The following PPP6R1 variants were observed in gnomAD, a reference collection of about 807,000 sequenced individuals.
PPP6R1 encodes protein phosphatase 6 regulatory subunit 1.
In PPP6R1, 39 loss-of-function variants were observed where a neutral mutation model predicts 104.6. The ratio of observed to expected loss-of-function variants is 0.37; its 90% CI spans 0.29 to 0.49. The LOEUF is 0.49. Among genes scored for constraint, PPP6R1 ranks in the 20% least tolerant of loss-of-function variants. The pLI is 0.98. For missense variants in PPP6R1, 1,181 were observed against 1,155.8 expected (o/e 1.02, Z -0.32); for synonymous variants, 549 against 479.0 (o/e 1.15, Z -1.91).
In PPP6R1 at chr19:55,239,576, A is replaced by G. The variant is rs746364426; in HGVS notation, c.1653+18T>C. 5.5e-5 allele frequency: 89 copies of G among 1,609,984 alleles called. No individual in the cohort carries two copies. The highest frequency in any genetic ancestry group is 7.3e-5 in the Non-Finnish European group (86 of 1,177,934). ...CTCCAGCATAGCCCAGCACAGCCCC[A>G]CATAGCCCCACGCCCACCTGCTGCA... On this transcript the variant is annotated intron_variant, in intron 14 of 23. Coordinates refer to ENST00000412770, the MANE Select transcript of PPP6R1 (RefSeq NM_014931.4).
intron 21 of PPP6R1, 79 bp from the exon 22 acceptor site, chr19:55,230,963 A>C (rs1424777479): frequency 2.4e-6 from 3 of 1,242,234 alleles, no homozygotes; most frequent in Non-Finnish European, 3.4e-6. Flanking sequence ...CACCCGACTG[A>C]AGTCGGCTCA....
chr19:55,231,342 A>G, intron 21 of PPP6R1, 68 bp downstream of exon 21: 2 of 1,488,592 alleles, frequency 1.3e-6, no homozygotes, highest in South Asian at 2.4e-5. Context: ...AGATGAACCC[A>G]GAGCCCACCT....
At chr19:55,256,202 C>T (rs1408304039) in intron 1 of PPP6R1, among the ~76,000 whole-genome samples, 1 of 152,228 alleles carries the variant, frequency 6.6e-6, no homozygotes, top group Non-Finnish European at 1.5e-5. Flanking sequence ...ACACAACTCA[C>T]CAACTCACAG....
intron 1 of PPP6R1, among the ~76,000 whole-genome samples, chr19:55,256,799 C>A (rs144907551): frequency 0.013 from 1,974 of 152,286 alleles, 16 homozygotes; most frequent in Non-Finnish European, 0.019. Flanking sequence ...GCTGGGCAAA[C>A]GAGCAAAACC....
At chr19:55,235,137 T>G (rs1461217094) in intron 17 of PPP6R1, among the ~76,000 whole-genome samples, 1 of 152,148 alleles carries the variant, frequency 6.6e-6, no homozygotes, top group Non-Finnish European at 1.5e-5. Context: ...GATGACTTAG[T>G]GTTCAGGCTG....
chr19:55,236,367 G>A (rs770599460), intron 17 of PPP6R1: 1 of 419,322 alleles, frequency 2.4e-6, no homozygotes, highest in Non-Finnish European at 4.2e-6. Flanking sequence ...GTTGCCCAGG[G>A]CTGGTCTCAA....
intron 1 of PPP6R1, among the ~76,000 whole-genome samples, chr19:55,252,256 G>GTC (rs1391202718): frequency 6.6e-6 from 1 of 152,054 alleles, no homozygotes; most frequent in Non-Finnish European, 1.5e-5. Flanking sequence ...TTGAGACAGA[G>GTC]TCTCTCTCTG....
At chr19:55,231,246 C>T (rs1473602938) in intron 21 of PPP6R1, among the ~76,000 whole-genome samples, 164 bp downstream of exon 21, 1 of 152,170 alleles carries the variant, frequency 6.6e-6, no homozygotes, top group Non-Finnish European at 1.5e-5. Flanking sequence ...AGAGAAGAAC[C>T]AGCCTACAGA....
chr19:55,257,571 T>TCC (rs34637729), intron 1 of PPP6R1, among the ~76,000 whole-genome samples: 1 of 150,462 alleles, frequency 6.6e-6, no homozygotes, highest in Non-Finnish European at 1.5e-5. Context: ...TGCTGCTCCT[T>TCC]CCCCCCCCGG....
intron 15 of PPP6R1, among the ~76,000 whole-genome samples, chr19:55,238,388 C>T (rs993035873): frequency 1.4e-4 from 21 of 152,176 alleles, no homozygotes; most frequent in African/African-American, 4.3e-4. Flanking sequence ...ATCGTGGTGT[C>T]CCTTACGCTG....
chr19:55,242,246 C>A lies in PPP6R1; in HGVS notation c.765G>T (p.Met255Ile). The A allele has an allele frequency of 6.2e-7, 1 of 1,613,958 alleles. No individual in the cohort carries two copies. The highest frequency in any genetic ancestry group is 1.1e-5 in the South Asian group (1 of 91,088). Reference sequence around the variant, plus strand: ...CAGACTGGCTCTGCTCCCCCTCGAACATGTTGCTTAAGAGCTGCTCAATCG... The same window carrying A: ...CAGACTGGCTCTGCTCCCCCTCGAAAATGTTGCTTAAGAGCTGCTCAATCG... The part of the protein sequence containing the change: ...QETIEQLLSN[M>I]FEGEQSQSVI... Residue 255 changes from methionine (M) to isoleucine (I), a missense_variant, in exon 7 of 24, where the codon ATG becomes ATT. Physicochemically the swap from Met to Ile is conservative, Grantham distance 10. Around this residue, in one of 2 missense-constraint regions of PPP6R1, gnomAD observed 1,042 missense variants for 955.6 expected, o/e 1.09. Coordinates refer to ENST00000412770, the MANE Select transcript of PPP6R1 (RefSeq NM_014931.4).
At chr19:55,243,168 A>G (rs1368734029) in intron 5 of PPP6R1, among the ~76,000 whole-genome samples, 2 of 152,124 alleles carry the variant, frequency 1.3e-5, no homozygotes, top group Non-Finnish European at 2.9e-5. Flanking sequence ...TAATCCCAGC[A>G]CTTTGGGAGG....
intron 5 of PPP6R1, 145 bp downstream of exon 5, chr19:55,244,975 T>A (rs1446236536): frequency 8.0e-7 from 1 of 1,254,364 alleles, no homozygotes; most frequent in Non-Finnish European, 1.1e-6. Context: ...TGGGCTCAAG[T>A]AATCCTCCCA....
At chr19:55,256,141 T>C (rs908061866) in intron 1 of PPP6R1, among the ~76,000 whole-genome samples, 5 of 152,102 alleles carry the variant, frequency 3.3e-5, no homozygotes, top group Admixed American at 2.0e-4. Context: ...AAAGAAACAG[T>C]AGATGAACCA....
chr19:55,241,415 T>C lies in PPP6R1; in HGVS notation c.1009-24A>G. ...AGCTGCAGACACAGGGAGGCCTGAT[T>C]CCCAAGGGCTGCCCTTCCTGCTTCC... On this transcript the variant is annotated intron_variant, in intron 8 of 23. Coordinates refer to ENST00000412770, the MANE Select transcript of PPP6R1 (RefSeq NM_014931.4). This position sits in a 1 kb window ranked among gnomAD's most constrained non-coding sequence, Gnocchi z 5.4. The C allele has an allele frequency of 6.3e-7, 1 of 1,599,030 alleles. No homozygotes were observed. Among genetic ancestry groups the C allele is most frequent in the Non-Finnish European group, 8.5e-7 (1 of 1,170,732 alleles).
Position 55,230,493 on chromosome 19 carries a change from A to T in PPP6R1, c.*35T>A, listed in dbSNP as rs367593158. ...CCCACCCCGGGAGATCCACGGGAGGACGGAAGATTTGGCCGCCGCTGCCGC... is the reference window on the plus strand; with the variant it reads ...CCCACCCCGGGAGATCCACGGGAGGTCGGAAGATTTGGCCGCCGCTGCCGC... On this transcript the variant is annotated 3_prime_UTR_variant, in exon 24 of 24. Coordinates refer to ENST00000412770, the MANE Select transcript of PPP6R1 (RefSeq NM_014931.4). 7.0e-5 allele frequency: 113 copies of T among 1,608,396 alleles called. No homozygotes were observed. The highest frequency in any genetic ancestry group is 8.2e-5 in the Non-Finnish European group (97 of 1,177,212).
chr19:55,247,307 C>T, intron 1 of PPP6R1, 198 bp from the exon 2 acceptor site: 1 of 598,466 alleles, frequency 1.7e-6, no homozygotes, highest in Non-Finnish European at 2.9e-6. Flanking sequence ...GCTTAAGGCT[C>T]CCAGTGAGCA....
At chr19:55,243,408 A>G (rs2087477689) in intron 5 of PPP6R1, among the ~76,000 whole-genome samples, 1 of 150,910 alleles carries the variant, frequency 6.6e-6, no homozygotes. Context: ...CCATCTCAAA[A>G]AAAAAAAAAA....
chr19:55,235,119 T>C (rs1568944074), intron 17 of PPP6R1, among the ~76,000 whole-genome samples: 4 of 152,310 alleles, frequency 2.6e-5, no homozygotes, highest in Non-Finnish European at 5.9e-5. Flanking sequence ...AAAAACTCAG[T>C]TGCAGATGAT....
Sources: allele counts gnomAD v4.1 joint callset (sites outside exome capture counted in the v4.1 genomes callset), GRCh38; gene constraint gnomAD v4.1.1; regional missense constraint gnomAD v4.1.1; non-coding constraint Gnocchi (gnomAD v3.1); transcripts MANE v1.5; gene names NCBI Gene and HGNC (gene_info 2026-07-23, HGNC 2026-07-21).